ANKRD16: variants seen among roughly 807,000 people sequenced by gnomAD.
ANKRD16 encodes ankyrin repeat domain 16, also known as ankyrin repeat domain-containing protein 16.
A neutral mutation model predicts 37.9 loss-of-function variants in ANKRD16; 35 were observed. That is an observed-to-expected ratio of 0.92 (90% CI 0.71 to 1.23). ANKRD16 has a LOEUF of 1.23. Ranked by LOEUF, ANKRD16 falls within the 50% of genes most tolerant of loss-of-function variation. ANKRD16 has a pLI of 0.00. For missense variants in ANKRD16, 480 were observed against 469.9 expected, an observed-to-expected ratio of 1.02 and a Z score of -0.20; for synonymous variants, 206 against 197.2, an observed-to-expected ratio of 1.04 and a Z score of -0.37.
chr10:5,874,493 T>C lies in ANKRD16; in HGVS notation c.*33+3604A>G, dbSNP rs1842156007. Among the ~76,000 whole-genome samples, 1 of 152,010 alleles carries C rather than the reference T, an allele frequency of 6.6e-6. No homozygotes were observed. The highest frequency in any genetic ancestry group is 2.4e-5 in the African/African-American group (1 of 41,386). On this transcript the variant is annotated intron_variant, in intron 7 of 7. Transcript: ENST00000380094. This position sits in a 1 kb window ranked among gnomAD's most constrained non-coding sequence, Gnocchi z 4.7. ...GAGAGAGCTTGGGCAGGAGTCGCAG[T>C]AGGGATGGTGTGGAACAGGCAGATT...
Position 5,889,256 on chromosome 10 carries a change from CG to C in ANKRD16, c.98del (p.Pro33ArgfsTer68). 6.6e-7 allele frequency: 1 copy of C among 1,507,064 alleles called. No individual in the cohort carries two copies. Among genetic ancestry groups the C allele is most frequent in the Admixed American group, 2.2e-5 (1 of 45,734 alleles). 93.4% of individuals were successfully genotyped at this position (1,507,064 alleles called of 1,614,324 possible). ...GCAGGAGGGTATCCCCGGCCGGCCC[CG>C]GGCAGCCCCCGGCCGCCTGCAGCTC... is the stretch of plus-strand genomic sequence containing the variant. ...KEELQAAGGC[P>X]GPAGDTLLHC... On this transcript the variant is annotated frameshift_variant, in exon 1 of 8. Transcript: ENST00000380094. LOFTEE classifies it high-confidence loss of function.
chr10:5,885,897 A>G (rs746800974), intron 2 of ANKRD16, 132 bp from the exon 3 acceptor site: 2 of 806,658 alleles, frequency 2.5e-6, no homozygotes, highest in Non-Finnish European at 4.0e-6. Context: ...AATTGGGTAC[A>G]CTGTTACCGC....
intron 6 of ANKRD16, 50 bp downstream of exon 6, chr10:5,880,248 G>T (rs370407089): frequency 4.6e-6 from 4 of 861,666 alleles, no homozygotes; most frequent in East Asian, 5.7e-5. Flanking sequence ...AAGTGTATTG[G>T]TTATACTCAG....
In ANKRD16 at chr10:5,874,768, G is replaced by A. The variant is rs1378705089; in HGVS notation, c.*33+3329C>T. On this transcript the variant is annotated intron_variant, in intron 7 of 7. Coordinates refer to ENST00000380094, the MANE Select transcript of ANKRD16 (RefSeq NM_019046.3). This position sits in a 1 kb window ranked among gnomAD's most constrained non-coding sequence, Gnocchi z 4.7. ...GTAAGGGCTAGAGAGAGATCTGAGT[G>A]TTACTGACATTAGGGTGTAGCTGAA... Among the ~76,000 whole-genome samples the A allele has an allele frequency of 1.3e-5, 2 of 152,164 alleles. No individual in the cohort carries two copies. The highest frequency in any genetic ancestry group is 3.9e-4 in the East Asian group (2 of 5,192).
rs1424162861 is a variant in ANKRD16, at chr10:5,874,705, C to T, written c.*33+3392G>A. Among the ~76,000 whole-genome samples, 1 of 152,026 alleles carries T rather than the reference C, an allele frequency of 6.6e-6. No individual in the cohort carries two copies. The highest frequency in any genetic ancestry group is 6.5e-5 in the Admixed American group (1 of 15,272). On this transcript the variant is annotated intron_variant, in intron 7 of 7. Transcript: ENST00000380094. This position sits in a 1 kb window ranked among gnomAD's most constrained non-coding sequence, Gnocchi z 4.7. ...GAATAAACTGAATGTGAGATGGCCT[C>T]AGAACATCCATGCAGAAACGTAAGC...
rs1842045187 is a variant in ANKRD16, at chr10:5,868,446, G to T, written c.*34-5755C>A. Among the ~76,000 whole-genome samples the T allele has an allele frequency of 6.6e-6, 1 of 152,140 alleles. No homozygotes were observed. Among genetic ancestry groups the T allele is most frequent in the Non-Finnish European group, 1.5e-5 (1 of 68,026 alleles). ...CAGCTGGATTTCCTGGATCAAGTGG[G>T]GACTTGGAGAACTTTTCTGTCTAGC... On this transcript the variant is annotated intron_variant, in intron 7 of 7. Transcript: ENST00000380094. This position sits in a 1 kb window ranked among gnomAD's most constrained non-coding sequence, Gnocchi z 4.9.
chr10:5,882,780 T>G, intron 5 of ANKRD16: 1 of 396,060 alleles, frequency 2.5e-6, no homozygotes. Flanking sequence ...GGGAGGCACT[T>G]TATGGAGTAA....
Position 5,878,188 on chromosome 10 carries a change from T to C in ANKRD16, c.1028A>G (p.Gln343Arg). 1 of 1,614,194 alleles carries C rather than the reference T, an allele frequency of 6.2e-7. No individual in the cohort carries two copies. Among genetic ancestry groups the C allele is most frequent in the African/African-American group, 1.3e-5 (1 of 75,066 alleles). ...DSEDITGTLA[Q>R]QLPRRADVLQ... ...GACATCTGCTCTCCTTGGGAGCTGC[T>C]GAGCCAGGGTGCCCGTGATGTCTTC... Residue 343 changes from glutamine to arginine, a missense_variant, in exon 7 of 8, where the codon CAG becomes CGG. Coordinates refer to ENST00000380094, the MANE Select transcript of ANKRD16 (RefSeq NM_019046.3). This position sits in a 1 kb window ranked among gnomAD's most constrained non-coding sequence, Gnocchi z 5.1.
At chr10:5,885,692 T>C (rs758389175) in intron 3 of ANKRD16, 31 bp downstream of exon 3, 2 of 1,613,148 alleles carry the variant, frequency 1.2e-6, no homozygotes, top group African/African-American at 2.7e-5. Context: ...AGTTAGCAAA[T>C]ATTTTCCCTG....
intron 7 of ANKRD16, among the ~76,000 whole-genome samples, chr10:5,877,401 C>T (rs544677983): frequency 6.6e-6 from 1 of 152,360 alleles, no homozygotes; most frequent in South Asian, 2.1e-4. Flanking sequence ...GCACGGGCCA[C>T]CATGCCCGGT....
chr10:5,880,544 G>A (rs1842280925), intron 5 of ANKRD16, among the ~76,000 whole-genome samples, 168 bp from the exon 6 acceptor site: 1 of 151,958 alleles, frequency 6.6e-6, no homozygotes, highest in Non-Finnish European at 1.5e-5. Context: ...GATTTTGAGG[G>A]CTTCAATATT....
intron 2 of ANKRD16, among the ~76,000 whole-genome samples, chr10:5,886,166 T>C (rs1842419815): frequency 6.6e-6 from 1 of 152,248 alleles, no homozygotes; most frequent in African/African-American, 2.4e-5. Context: ...ACTCAAAGGT[T>C]ATGACTATTT....
rs949105876 is a variant in ANKRD16 at position 5,883,093 on chromosome 10, G to A, written c.762C>T (p.Ala254=). 5 of 1,614,020 alleles carry A rather than the reference G, an allele frequency of 3.1e-6. No homozygotes were observed. The highest frequency in any genetic ancestry group is 4.5e-5 in the East Asian group (2 of 44,894). ...HRAAVTGQDE[A]IRFLVSELGV... is the part of the protein sequence containing the mutation. ...CAAGTTCAGAGACCAAGAATCGGAT[G>A]GCTTCGTCCTGCCCTGTGACAGCTG... is the stretch of plus-strand genomic sequence containing the variant. The change falls in exon 5 of 8, where the codon GCC becomes GCT. Residue 254 remains alanine, a synonymous_variant. Coordinates refer to ENST00000380094, the MANE Select transcript of ANKRD16 (RefSeq NM_019046.3).
At position 5,878,420 on chromosome 10, in the gene ANKRD16, T is replaced by C; in HGVS notation, c.929-133A>G. 1 of 767,082 alleles carries C rather than the reference T, an allele frequency of 1.3e-6. No individual in the cohort carries two copies. The highest frequency in any genetic ancestry group is 2.0e-6 in the Non-Finnish European group (1 of 510,912). The allele number at this position is 767,082 out of a possible 1,614,324, so 47.5% of individuals were successfully genotyped here. ...CGTAATCCATCTTCACAACTTCACC[T>C]ATACTAGATCAAAATATTTTTGTTT... On this transcript the variant is annotated intron_variant, in intron 6 of 7. Transcript: ENST00000380094. This position sits in a 1 kb window ranked among gnomAD's most constrained non-coding sequence, Gnocchi z 5.1.
intron 2 of ANKRD16, among the ~76,000 whole-genome samples, chr10:5,886,542 G>T (rs1479206213): frequency 6.6e-6 from 1 of 152,182 alleles, no homozygotes; most frequent in Non-Finnish European, 1.5e-5. Flanking sequence ...AGTGAGCCGA[G>T]ATCGTGCCAC....
chr10:5,872,562 A>T (rs573684256), intron 7 of ANKRD16, among the ~76,000 whole-genome samples: 185 of 152,050 alleles, frequency 1.2e-3, no homozygotes, highest in Non-Finnish European at 2.4e-3. Context: ...TTTTTTATGT[A>T]GGTATTTTTT....
At chr10:5,886,762 C>G (rs769075442) in intron 2 of ANKRD16, among the ~76,000 whole-genome samples, 6 of 152,194 alleles carry the variant, frequency 3.9e-5, no homozygotes, top group Non-Finnish European at 7.4e-5. Flanking sequence ...TCTGAAATTA[C>G]AGTAATTTTA....
chr10:5,878,032 G>A lies in ANKRD16; in HGVS notation c.*33+65C>T. 1.3e-6 allele frequency: 2 copies of A among 1,500,766 alleles called. No homozygotes were observed. Among genetic ancestry groups the A allele is most frequent in the Non-Finnish European group, 1.8e-6 (2 of 1,110,030 alleles). 93.0% of individuals were successfully genotyped at this position (1,500,766 alleles called of 1,614,324 possible). ...GGGAAGGGAGGAAGTGGAGGAGATG[G>A]AAAACTGGCTTCCAACTGGTTTCGC... On this transcript the variant is annotated intron_variant, in intron 7 of 7. Coordinates refer to ENST00000380094, the MANE Select transcript of ANKRD16 (RefSeq NM_019046.3). This position sits in a 1 kb window ranked among gnomAD's most constrained non-coding sequence, Gnocchi z 5.1.
chr10:5,869,287 G>T lies in ANKRD16; in HGVS notation c.*34-6596C>A, dbSNP rs1842056213. Reference sequence around the variant, plus strand: ...GAATTAATCAAACTGTATATATCAAGGATGTGCAGCTTTGTGTACCAATTA... The same window carrying T: ...GAATTAATCAAACTGTATATATCAATGATGTGCAGCTTTGTGTACCAATTA... On this transcript the variant is annotated intron_variant, in intron 7 of 7. Transcript: ENST00000380094. The surrounding 1 kb of genome is among the most constrained non-coding windows in gnomAD (Gnocchi z 4.0). Among the ~76,000 whole-genome samples, 1 of 152,104 alleles carries T rather than the reference G, an allele frequency of 6.6e-6. No homozygotes were observed. Among genetic ancestry groups the T allele is most frequent in the Non-Finnish European group, 1.5e-5 (1 of 68,028 alleles).
Sources: gnomAD v4.1 joint callset for allele counts (sites outside exome capture counted in the v4.1 genomes callset) on GRCh38, gnomAD v4.1.1 for gene constraint, Gnocchi (gnomAD v3.1) non-coding constraint, MANE v1.5 for transcripts, NCBI Gene and HGNC (gene_info 2026-07-23, HGNC 2026-07-21) for gene names.